Variants in TSNAXIP1 observed in about 807,000 individuals in gnomAD.
The protein encoded by TSNAXIP1 is translin associated factor X interacting protein 1, also known as translin-associated factor X-interacting protein 1.
A neutral mutation model predicts 84.8 loss-of-function variants in TSNAXIP1; 89 were observed. The ratio of observed to expected loss-of-function variants is 1.05; its 90% CI spans 0.88 to 1.25. The LOEUF is 1.25. Ranked by LOEUF, TSNAXIP1 falls within the 50% of genes most tolerant of loss-of-function variation. TSNAXIP1 has a pLI of 0.00. For missense variants in TSNAXIP1, 874 were observed against 887.6 expected, an observed-to-expected ratio of 0.98 and a Z score of 0.20; for synonymous variants, 347 against 335.2, an observed-to-expected ratio of 1.04 and a Z score of -0.39.
rs201191144 is a variant in TSNAXIP1 at position 67,826,012 on chromosome 16, C to A, written c.1080C>A (p.Phe360Leu). ...GCACGCTGAAGGAACGGGACCAATT[C>A]TTCTCTGAGCTGCAGGAGATCCAGC... ...HMSTLKERDQFFSELQEIQRT... is the reference protein window; with the variant it reads ...HMSTLKERDQLFSELQEIQRT... Residue 360 changes from phenylalanine to leucine, a missense_variant, in exon 9 of 16, where the codon TTC becomes TTA. Transcript: ENST00000561639. 6.2e-7 allele frequency: 1 copy of A among 1,613,864 alleles called. No homozygotes were observed. Among genetic ancestry groups the A allele is most frequent in the African/African-American group, 1.3e-5 (1 of 74,938 alleles).
At chr16:67,813,504 G>A (rs1360393258) in intron 1 of TSNAXIP1, among the ~76,000 whole-genome samples, 1 of 151,794 alleles carries the variant, frequency 6.6e-6, no homozygotes, top group Non-Finnish European at 1.5e-5. Flanking sequence ...GGAGGCCAAG[G>A]CAGGTGGATC....
chr16:67,826,930 A>T (rs2057498857), intron 12 of TSNAXIP1, 33 bp from the exon 13 acceptor site: 1 of 1,613,368 alleles, frequency 6.2e-7, no homozygotes, highest in Non-Finnish European at 8.5e-7. Flanking sequence ...CACTCCCAGG[A>T]ACAGCAGGTG....
Position 67,821,066 on chromosome 16 carries a change from T to C in TSNAXIP1, c.261-33T>C, listed in dbSNP as rs568242914. The C allele has an allele frequency of 3.7e-6, 6 of 1,611,528 alleles. No homozygotes were observed. The East Asian group carries it at 1.1e-4, about 30-fold the overall frequency. On this transcript the variant is annotated intron_variant, in intron 3 of 15. Transcript: ENST00000561639. ...TGAGGGCACAAGGGCCCCGTGGGGG[T>C]GCTGGCCACATATCAGCCACTGTCC...
At chr16:67,822,278 CAAAAAAAA>C (rs931299742) in intron 4 of TSNAXIP1, among the ~76,000 whole-genome samples, 12 of 51,944 alleles carry the variant, frequency 2.3e-4, no homozygotes, top group African/African-American at 3.2e-4. Flanking sequence ...GACTCCATCT[CAAAAAAAA>C]AAAAAAAAAA....
chr16:67,824,625 C>T lies in TSNAXIP1; in HGVS notation c.524C>T (p.Ala175Val), dbSNP rs2057305922. The part of the protein sequence containing the change: ...EKIRALEPLK[A>V]KLVTVNEDCN... ...ATTCGGGCTCTGGAGCCCCTGAAGG[C>T]CAAGCTTGTCACTGTGAATGAGGAC... The change falls in exon 6 of 16, where the codon GCC (alanine) becomes GTC (valine). Residue 175 changes from alanine (A) to valine (V), a missense_variant. Transcript: ENST00000561639. 1 of 1,614,092 alleles carries T rather than the reference C, an allele frequency of 6.2e-7. No homozygotes were observed. The highest frequency in any genetic ancestry group is 8.5e-7 in the Non-Finnish European group (1 of 1,179,998).
rs1223534841 is a variant in TSNAXIP1, at chr16:67,825,807, GAGA to G, written c.959_961del (p.Lys320del). The G allele has an allele frequency of 2.5e-6, 4 of 1,585,020 alleles. No homozygotes were observed. The highest frequency in any genetic ancestry group is 2.6e-6 in the Non-Finnish European group (3 of 1,153,324). ...CCCCAGGAGGGACTTTGAAATGCAG[GAGA>G]AGACCAACAAGGATCTTCAGGAGCA... On this transcript the variant is annotated inframe_deletion, in exon 8 of 16. Transcript: ENST00000561639.
chr16:67,815,647 C>T (rs1057118615), intron 2 of TSNAXIP1, among the ~76,000 whole-genome samples: 3 of 152,044 alleles, frequency 2.0e-5, no homozygotes, highest in South Asian at 4.1e-4. Flanking sequence ...TACAGGAGTG[C>T]GCCACCACAC....
Position 67,826,849 on chromosome 16 carries a change from G to A in TSNAXIP1, c.1554+5G>A, listed in dbSNP as rs1187273633. 1.2e-6 allele frequency: 2 copies of A among 1,612,978 alleles called. No individual in the cohort carries two copies. The highest frequency in any genetic ancestry group is 1.7e-6 in the Non-Finnish European group (2 of 1,179,858). On this transcript the variant is annotated splice_donor_5th_base_variant and intron_variant, in intron 12 of 15. Transcript: ENST00000561639. ...TATGCAGTCTTGATGGGAAAGGTGA[G>A]CTGGGGCCTATTCCCCTTGGGGAGA...
rs1395374486 is a variant in TSNAXIP1, at chr16:67,826,092, A to C, written c.1144+16A>C. The C allele has an allele frequency of 6.2e-7, 1 of 1,613,372 alleles. No homozygotes were observed. The highest frequency in any genetic ancestry group is 1.3e-5 in the African/African-American group (1 of 75,070). On this transcript the variant is annotated intron_variant, in intron 9 of 15. Coordinates refer to ENST00000561639, the MANE Select transcript of TSNAXIP1 (RefSeq NM_001288990.3). ...AAGTGCAAAGGTGAGGGCAGCCGGC[A>C]GGGCCCCAGGTCCTGCTTACATGTG...
At chr16:67,824,863 C>A in intron 6 of TSNAXIP1, 84 bp downstream of exon 6, 1 of 1,432,362 alleles carries the variant, frequency 7.0e-7, no homozygotes, top group Non-Finnish European at 9.5e-7. Flanking sequence ...CCTGCTCTGC[C>A]TTTCTACGGA....
At position 67,827,289 on chromosome 16, in the gene TSNAXIP1, C is replaced by G. The variant is rs1307089876; in HGVS notation, c.1705C>G (p.Gln569Glu). ...TACCTTCCCTCTCAAGACAGAAGAG[C>G]AAATCCAGGAGCTGATGGAGGCAGG... ...KSTFPLKTEE[Q>E]IQELMEAGGW... is the part of the protein sequence containing the mutation. The change falls in exon 14 of 16, where the codon CAA (glutamine) becomes GAA (glutamate). Residue 569 changes from glutamine to glutamate, a missense_variant. Gln to Glu is a conservative substitution (Grantham distance 29, BLOSUM62 2). Coordinates refer to ENST00000561639, the MANE Select transcript of TSNAXIP1 (RefSeq NM_001288990.3). 1 of 1,614,242 alleles carries G rather than the reference C, an allele frequency of 6.2e-7. No individual in the cohort carries two copies. The highest frequency in any genetic ancestry group is 1.7e-5 in the Admixed American group (1 of 60,028).
chr16:67,814,298 G>A lies in TSNAXIP1; in HGVS notation c.48-4G>A. On this transcript the variant is annotated splice_region_variant and splice_polypyrimidine_tract_variant and intron_variant, in intron 1 of 15. Coordinates refer to ENST00000561639, the MANE Select transcript of TSNAXIP1 (RefSeq NM_001288990.3). ...CCACCATCAGCTTTCCCTTCTCTGT[G>A]CAGATTACAGCCACGGCCTTCAGGA... 1 of 1,535,268 alleles carries A rather than the reference G, an allele frequency of 6.5e-7. No homozygotes were observed. The highest frequency in any genetic ancestry group is 8.7e-7 in the Non-Finnish European group (1 of 1,146,224).
In TSNAXIP1 at chr16:67,824,757, A is replaced by G. The variant is rs1203314735; in HGVS notation, c.656A>G (p.Glu219Gly). Residue 219 changes from glutamate (E) to glycine (G), a missense_variant, in exon 6 of 16, where the codon GAG becomes GGG. Transcript: ENST00000561639. ...AAACTCATCGACAAAAAGAATGAGG[A>G]GAAGATTTCATTGCAGAGCGAGGTG... ...LLKLIDKKNE[E>G]KISLQSEVTK... 1.2e-6 allele frequency: 2 copies of G among 1,613,204 alleles called. No individual in the cohort carries two copies. Among genetic ancestry groups the G allele is most frequent in the African/African-American group, 2.7e-5 (2 of 74,930 alleles).
chr16:67,819,815 A>ATTTT (rs1162375778), intron 2 of TSNAXIP1, among the ~76,000 whole-genome samples: 17 of 102,660 alleles, frequency 1.7e-4, no homozygotes, highest in South Asian at 1.3e-3. Context: ...ACCTGGCTAA[A>ATTTT]TTTTTTTTTT....
chr16:67,826,038 G>A lies in TSNAXIP1; in HGVS notation c.1106G>A (p.Arg369His), dbSNP rs200572059. 164 of 1,613,704 alleles carry A rather than the reference G, an allele frequency of 1.0e-4. No homozygotes were observed. The highest frequency in any genetic ancestry group is 9.5e-5 in the Non-Finnish European group (112 of 1,180,048). Residue 369 changes from arginine to histidine, a missense_variant, in exon 9 of 16, where the codon CGC becomes CAC. Physicochemically the swap from Arg to His is conservative, Grantham distance 29. Transcript: ENST00000561639. Reference sequence around the variant, plus strand: ...TTCTCTGAGCTGCAGGAGATCCAGCGCACTTCCACGCCGCGGCCTGACTGG... The same window carrying A: ...TTCTCTGAGCTGCAGGAGATCCAGCACACTTCCACGCCGCGGCCTGACTGG... ...QFFSELQEIQ[R>H]TSTPRPDWTK...
chr16:67,828,031 C>A lies in TSNAXIP1; in HGVS notation c.*38C>A. The A allele has an allele frequency of 1.9e-6, 3 of 1,602,360 alleles. No individual in the cohort carries two copies. The highest frequency in any genetic ancestry group is 2.2e-5 in the South Asian group (2 of 90,454). On this transcript the variant is annotated 3_prime_UTR_variant, in exon 16 of 16. Coordinates refer to ENST00000561639, the MANE Select transcript of TSNAXIP1 (RefSeq NM_001288990.3). ...AGCCTGCGTACTCCAGTCCTGCTAACCCCTAGCTTTTAATATAAAAGTGTT... is the reference window on the plus strand; with the variant it reads ...AGCCTGCGTACTCCAGTCCTGCTAAACCCTAGCTTTTAATATAAAAGTGTT...
chr16:67,818,437 A>G (rs2056769395), intron 2 of TSNAXIP1, among the ~76,000 whole-genome samples: 1 of 152,028 alleles, frequency 6.6e-6, no homozygotes, highest in Non-Finnish European at 1.5e-5. Flanking sequence ...GGATCTCTTG[A>G]GCCCGGGAGT....
At position 67,807,183 on chromosome 16, in the gene TSNAXIP1, T is replaced by C. The variant is rs1265789033; in HGVS notation, c.34T>C (p.Ser12Pro). 3.3e-6 allele frequency: 5 copies of C among 1,535,894 alleles called. No individual in the cohort carries two copies. The Admixed American group carries it at 7.8e-5, about 24-fold the overall frequency. ...ACQQSRYHSF[S>P]SASRLQPRPS... ...CCAGCAGTCGCGGTACCACAGCTTC[T>C]CGTCCGCGTCGAGGTAGGCGCTGGC... Residue 12 changes from serine to proline, a missense_variant, in exon 1 of 16, where the codon TCG becomes CCG. By Grantham distance (74) the Ser-to-Pro change is moderately conservative (BLOSUM62 -1). Transcript: ENST00000561639.
rs2057020002 is a variant in TSNAXIP1, at chr16:67,821,172, G to A, written c.334G>A (p.Glu112Lys). The change falls in exon 4 of 16, where the codon GAG (glutamate) becomes AAG (lysine). Residue 112 changes from glutamate (E) to lysine (K), a missense_variant. Physicochemically the swap from Glu to Lys is moderately conservative, Grantham distance 56 (BLOSUM62 1). Coordinates refer to ENST00000561639, the MANE Select transcript of TSNAXIP1 (RefSeq NM_001288990.3). ...GGAACTGGAAAACTACCTACGCAAG[G>A]AGCTCCTCCTGCTGGACCTGGGCAC... ...LEELENYLRK[E>K]LLLLDLGTDS... 1 of 1,602,140 alleles carries A rather than the reference G, an allele frequency of 6.2e-7. No individual in the cohort carries two copies. Among genetic ancestry groups the A allele is most frequent in the Non-Finnish European group, 8.5e-7 (1 of 1,173,368 alleles).
Sources: allele counts gnomAD v4.1 joint callset (sites outside exome capture counted in the v4.1 genomes callset), GRCh38; gene constraint gnomAD v4.1.1; transcripts MANE v1.5; gene names NCBI Gene and HGNC (gene_info 2026-07-23, HGNC 2026-07-21).